SYN3: variants seen among roughly 807,000 people sequenced by gnomAD.
SYN3 encodes synapsin III, also known as synapsin-3.
SYN3 carries 35 observed loss-of-function variants against 65.8 expected under a neutral mutation model. The observed-to-expected ratio is 0.53, with a 90% confidence interval of 0.41 to 0.70. SYN3 has a LOEUF of 0.70. SYN3 is among the 30% of genes least tolerant of loss of function. SYN3 has a pLI of 0.00. For missense variants in SYN3, 680 were observed against 749.0 expected, an observed-to-expected ratio of 0.91 and a Z score of 1.08; for synonymous variants, 270 against 292.9, an observed-to-expected ratio of 0.92 and a Z score of 0.80.
At chr22:32,719,645 C>A (rs1429943342) in intron 6 of SYN3, among the ~76,000 whole-genome samples, 6 of 152,088 alleles carry the variant, frequency 3.9e-5, no homozygotes, top group African/African-American at 1.4e-4. Flanking sequence ...GAGTTCAAGG[C>A]CAGTCTGAGC....
intron 1 of SYN3, among the ~76,000 whole-genome samples, chr22:33,051,546 C>A (rs1246150333): frequency 1.6e-5 from 2 of 128,880 alleles, no homozygotes; most frequent in African/African-American, 6.7e-5. Flanking sequence ...GGCAATAATC[C>A]ATTTCCCATT....
At chr22:32,888,573 G>A (rs2049356979) in intron 4 of SYN3, among the ~76,000 whole-genome samples, 1 of 152,170 alleles carries the variant, frequency 6.6e-6, no homozygotes, top group African/African-American at 2.4e-5. Context: ...GATGATCAGT[G>A]ATGTTTAACA....
rs531547929 is a variant in SYN3, at chr22:32,545,584, T to A, written c.775-3871A>T. Among the ~76,000 whole-genome samples, 6 of 152,190 alleles carry A rather than the reference T, an allele frequency of 3.9e-5. No homozygotes were observed. In the East Asian group the frequency reaches 7.7e-4, roughly 20 times the overall value. On this transcript the variant is annotated intron_variant, in intron 7 of 13. Transcript: ENST00000358763. ...CTCTCTCTCTTTTTTTTTGAGACAG[T>A]CTCACTTACTCTGTTGCCCAGGCTG... is the stretch of plus-strand genomic sequence containing the variant.
intron 6 of SYN3, among the ~76,000 whole-genome samples, chr22:32,612,135 T>C (rs73154347): frequency 0.12 from 17,797 of 152,238 alleles, 1,262 homozygotes; most frequent in East Asian, 0.29. Flanking sequence ...CCTCTTCATC[T>C]GACTGTTCTT....
intron 12 of SYN3, among the ~76,000 whole-genome samples, chr22:32,520,008 G>A (rs2146085066): frequency 6.6e-6 from 1 of 152,288 alleles, no homozygotes; most frequent in Non-Finnish European, 1.5e-5. Flanking sequence ...AGCCATGGGA[G>A]TGCTGTCCCT....
intron 6 of SYN3, among the ~76,000 whole-genome samples, chr22:32,743,706 T>G (rs779490419): frequency 1.3e-5 from 2 of 152,164 alleles, no homozygotes; most frequent in African/African-American, 2.4e-5. Context: ...TTTGCACAGA[T>G]GAGCTTGAAG....
intron 4 of SYN3, among the ~76,000 whole-genome samples, chr22:32,882,631 C>G (rs1023704929): frequency 3.9e-5 from 6 of 152,068 alleles, no homozygotes; most frequent in Admixed American, 3.9e-4. Context: ...TAGCCTGGCT[C>G]CAGAGCGGGT....
chr22:32,967,700 T>C (rs1403552824), intron 3 of SYN3, among the ~76,000 whole-genome samples: 3 of 152,236 alleles, frequency 2.0e-5, no homozygotes, highest in Non-Finnish European at 2.9e-5. Flanking sequence ...TGTTTCATAA[T>C]AGGTTCCACC....
chr22:32,508,865 G>A lies in SYN3; in HGVS notation c.*4827C>T, dbSNP rs1043290968. Among the ~76,000 whole-genome samples the A allele has an allele frequency of 6.6e-6, 1 of 152,176 alleles. No homozygotes were observed. Among genetic ancestry groups the A allele is most frequent in the African/African-American group, 2.4e-5 (1 of 41,438 alleles). On this transcript the variant is annotated 3_prime_UTR_variant, in exon 14 of 14. Coordinates refer to ENST00000358763, the MANE Select transcript of SYN3 (RefSeq NM_003490.4). ...ATGCACAAGATACCTGCACTAGCTTGCCAGATGAGAACTTCCAGAAGGCAG... is the reference window on the plus strand; with the variant it reads ...ATGCACAAGATACCTGCACTAGCTTACCAGATGAGAACTTCCAGAAGGCAG...
At chr22:32,887,973 T>C (rs968605035) in intron 4 of SYN3, among the ~76,000 whole-genome samples, 1 of 152,200 alleles carries the variant, frequency 6.6e-6, no homozygotes, top group Admixed American at 6.5e-5. Flanking sequence ...ACCAGCAATG[T>C]AGGAAAGTTA....
Position 32,513,516 on chromosome 22 carries a change from C to T in SYN3, c.*176G>A, listed in dbSNP as rs992250297. ...ACAGTCAGACAATGCTGGAATGTCA[C>T]GGTGAAGGAAAATGGGAACAAATAT... On this transcript the variant is annotated 3_prime_UTR_variant, in exon 14 of 14. Coordinates refer to ENST00000358763, the MANE Select transcript of SYN3 (RefSeq NM_003490.4). 1.6e-5 allele frequency: 14 copies of T among 856,032 alleles called. No homozygotes were observed. Among genetic ancestry groups the T allele is most frequent in the African/African-American group, 6.8e-5 (4 of 59,252 alleles). 53.0% of individuals were successfully genotyped at this position (856,032 alleles called of 1,614,324 possible).
At chr22:32,725,854 A>G (rs578051428) in intron 6 of SYN3, among the ~76,000 whole-genome samples, 13 of 152,352 alleles carry the variant, frequency 8.5e-5, no homozygotes, top group Non-Finnish European at 1.9e-4. Context: ...TGCTTAGTCA[A>G]TATTTAGTCT....
intron 6 of SYN3, among the ~76,000 whole-genome samples, chr22:32,618,140 C>G (rs151027544): frequency 5.0e-4 from 76 of 152,204 alleles, no homozygotes; most frequent in African/African-American, 1.7e-3. Context: ...ACAGGGCTCT[C>G]CCTAACCACT....
chr22:32,845,856 G>T lies in SYN3; in HGVS notation c.711+19059C>A, dbSNP rs73158350. ...CCACCCCACTTCCCTTGTTCCCTGTGGCCCCTGGGCCAGCGAATGCCTCGG... is the reference window on the plus strand; with the variant it reads ...CCACCCCACTTCCCTTGTTCCCTGTTGCCCCTGGGCCAGCGAATGCCTCGG... On this transcript the variant is annotated intron_variant, in intron 6 of 13. Coordinates refer to ENST00000358763, the MANE Select transcript of SYN3 (RefSeq NM_003490.4). Among the ~76,000 whole-genome samples the T allele has an allele frequency of 3.6e-3, 553 of 152,324 alleles. 4 individuals carry two copies. Among genetic ancestry groups the T allele is most frequent in the South Asian group, 0.011 (52 of 4,828 alleles).
At chr22:32,903,608 T>C (rs1215804138) in intron 4 of SYN3, among the ~76,000 whole-genome samples, 1 of 152,190 alleles carries the variant, frequency 6.6e-6, no homozygotes, top group African/African-American at 2.4e-5. Flanking sequence ...CTGGCTGCTG[T>C]AGCCCCTCAC....
rs140128501 is a variant in SYN3, at chr22:32,814,410, GA to G, written c.711+50504del. On this transcript the variant is annotated intron_variant, in intron 6 of 13. Transcript: ENST00000358763. ...AAACATTGGGAGCTGAGCTTAATGA[GA>G]AAAGGCCATTCCTAACTGCTAAGCT... Among the ~76,000 whole-genome samples the G allele has an allele frequency of 8.3e-3, 1,223 of 146,908 alleles. 10 individuals carry two copies. The highest frequency in any genetic ancestry group is 0.012 in the Non-Finnish European group (780 of 66,696).
chr22:32,954,099 CAACAAAACAAAACAA>C (rs199873334), intron 3 of SYN3, among the ~76,000 whole-genome samples: 403 of 145,356 alleles, frequency 2.8e-3, no homozygotes, highest in South Asian at 5.8e-3. Flanking sequence ...TACCCACACC[CAACAAAACAAAACAA>C]AACAAAACAA....
intron 7 of SYN3, among the ~76,000 whole-genome samples, chr22:32,551,332 AC>A (rs1292632919): frequency 6.6e-6 from 1 of 152,058 alleles, no homozygotes; most frequent in Non-Finnish European, 1.5e-5. Flanking sequence ...AATGGCCCCT[AC>A]CCCCACCCTG....
At chr22:33,017,760 GT>G (rs133958) in intron 1 of SYN3, among the ~76,000 whole-genome samples, 18,640 of 146,116 alleles carry the variant, frequency 0.13, 1,432 homozygotes, top group East Asian at 0.36. Flanking sequence ...GTTCTAACAG[GT>G]TTTTTTTTTT....
Sources: gnomAD v4.1 joint callset for allele counts (sites outside exome capture counted in the v4.1 genomes callset) on GRCh38, gnomAD v4.1.1 for gene constraint, MANE v1.5 for transcripts, NCBI Gene and HGNC (gene_info 2026-07-23, HGNC 2026-07-21) for gene names.